ATXN1: variants seen among roughly 807,000 people sequenced by gnomAD.
ATXN1 encodes the protein ataxin-1.
ATXN1 carries 8 observed loss-of-function variants against 56.4 expected under a neutral mutation model. That is an observed-to-expected ratio of 0.14 (90% CI 0.08 to 0.26). The LOEUF is 0.26. ATXN1 is among the 10% of genes least tolerant of loss of function. The pLI is 1.00. For synonymous variants in ATXN1, 514 were observed against 494.6 expected (o/e 1.04, Z -0.52); for missense variants, 987 against 1,106.5 (o/e 0.89, Z 1.53).
rs1252009399 is a variant in ATXN1 at position 16,760,937 on chromosome 6, C to T, written c.-730+361G>A. Among the ~76,000 whole-genome samples the T allele has an allele frequency of 6.7e-6, 1 of 148,696 alleles. No individual in the cohort carries two copies. Among genetic ancestry groups the T allele is most frequent in the Non-Finnish European group, 1.5e-5 (1 of 66,820 alleles). ...GCTCTCCCCGCCCGCGCCCCCCGCC[C>T]GGGCGCGCCCCCTAGCCCGGCGGGC... is the stretch of plus-strand genomic sequence containing the variant. On this transcript the variant is annotated intron_variant, in intron 1 of 7. Transcript: ENST00000436367. This position sits in a 1 kb window ranked among gnomAD's most constrained non-coding sequence, Gnocchi z 5.3.
At position 16,328,146 on chromosome 6, in the gene ATXN1, G is replaced by C; in HGVS notation, c.165C>G (p.His55Gln). ...WLPGNPGGRG[H>Q]GGGRHGPAGT... is the part of the protein sequence containing the mutation. ...CTGCCGGCCCATGCCTCCCGCCCCC[G>C]TGGCCCCGGCCACCAGGGTTGCCCG... The change falls in exon 7 of 8, where the codon CAC (histidine) becomes CAG (glutamine). Residue 55 changes from histidine (H) to glutamine (Q), a missense_variant. Physicochemically the swap from His to Gln is conservative, Grantham distance 24 (BLOSUM62 0). This residue lies in a region of ATXN1 where 723 missense variants were observed against 791.7 expected (regional missense o/e 0.91). Transcript: ENST00000436367. The surrounding 1 kb of genome is among the most constrained non-coding windows in gnomAD (Gnocchi z 6.2). 1 of 1,581,500 alleles carries C rather than the reference G, an allele frequency of 6.3e-7. No homozygotes were observed.
Position 16,584,971 on chromosome 6 carries a change from G to A in ATXN1, c.-361+809C>T, listed in dbSNP as rs1032267028. Among the ~76,000 whole-genome samples, 16 of 152,180 alleles carry A rather than the reference G, an allele frequency of 1.1e-4. No individual in the cohort carries two copies. The South Asian group carries it at 2.1e-3, about 20-fold the overall frequency. ...AAAATGTCTGGGTGTGGTGGATCACGCCTGTAATCCCAACACTTTGGGAGG... is the reference window on the plus strand; with the variant it reads ...AAAATGTCTGGGTGTGGTGGATCACACCTGTAATCCCAACACTTTGGGAGG... On this transcript the variant is annotated intron_variant, in intron 4 of 7. Coordinates refer to ENST00000436367, the MANE Select transcript of ATXN1 (RefSeq NM_001128164.2).
At chr6:16,366,566 A>C (rs1227626650) in intron 6 of ATXN1, among the ~76,000 whole-genome samples, 1 of 152,168 alleles carries the variant, frequency 6.6e-6, no homozygotes. Flanking sequence ...GGATCACTTG[A>C]GGTCAGGTGT....
intron 2 of ATXN1, among the ~76,000 whole-genome samples, chr6:16,707,855 T>TA (rs1271702347): frequency 6.6e-6 from 1 of 151,640 alleles, no homozygotes; most frequent in Non-Finnish European, 1.5e-5. Context: ...AAGAATAAAA[T>TA]AAAATGTGTT....
At chr6:16,502,971 T>C (rs1447339081) in intron 5 of ATXN1, among the ~76,000 whole-genome samples, 2 of 152,200 alleles carry the variant, frequency 1.3e-5, no homozygotes, top group Non-Finnish European at 2.9e-5. Flanking sequence ...GTTTATTGCT[T>C]TGAATGCAGA....
chr6:16,416,426 C>CT (rs1758909641), intron 6 of ATXN1, among the ~76,000 whole-genome samples: 1 of 152,150 alleles, frequency 6.6e-6, no homozygotes, highest in Non-Finnish European at 1.5e-5. Context: ...ACAGACAAAG[C>CT]TTTTGCTATA....
At chr6:16,341,122 G>A (rs970041470) in intron 6 of ATXN1, among the ~76,000 whole-genome samples, 7 of 152,200 alleles carry the variant, frequency 4.6e-5, no homozygotes, top group African/African-American at 1.7e-4. Flanking sequence ...AGACCAAATG[G>A]AGGAGTTGGC....
chr6:16,407,734 G>C (rs1758714303), intron 6 of ATXN1, among the ~76,000 whole-genome samples: 1 of 152,166 alleles, frequency 6.6e-6, no homozygotes, highest in African/African-American at 2.4e-5. Context: ...TGGAGGGTCT[G>C]AGCTGCAGAC....
At chr6:16,524,391 A>C (rs1761350676) in intron 4 of ATXN1, among the ~76,000 whole-genome samples, 1 of 152,206 alleles carries the variant, frequency 6.6e-6, no homozygotes, top group Non-Finnish European at 1.5e-5. Flanking sequence ...CTTCGTTTTA[A>C]AGCAACACTT....
At chr6:16,592,054 G>C (rs1038695343) in intron 3 of ATXN1, among the ~76,000 whole-genome samples, 3 of 152,066 alleles carry the variant, frequency 2.0e-5, no homozygotes, top group African/African-American at 7.2e-5. Flanking sequence ...GTTAGCTATT[G>C]ATTCCATGCA....
intron 4 of ATXN1, among the ~76,000 whole-genome samples, chr6:16,532,694 T>A (rs1445485847): frequency 6.6e-6 from 1 of 152,140 alleles, no homozygotes; most frequent in Admixed American, 6.5e-5. Flanking sequence ...AAGATGGCTC[T>A]GATTAACAAC....
At chr6:16,698,655 A>T (rs74874352) in intron 2 of ATXN1, among the ~76,000 whole-genome samples, 12,679 of 147,638 alleles carry the variant, frequency 0.086, 569 homozygotes, top group East Asian at 0.17. Context: ...AAAATTAAAA[A>T]AAAAAAAAAA....
At chr6:16,455,225 T>C (rs1759840900) in intron 6 of ATXN1, among the ~76,000 whole-genome samples, 1 of 152,184 alleles carries the variant, frequency 6.6e-6, no homozygotes, top group Non-Finnish European at 1.5e-5. Context: ...AACTTCACTA[T>C]TAGAAAACAA....
At chr6:16,601,784 C>T (rs1216192984) in intron 3 of ATXN1, among the ~76,000 whole-genome samples, 13 of 152,212 alleles carry the variant, frequency 8.5e-5, no homozygotes, top group South Asian at 4.1e-4. Flanking sequence ...ACCCAGGAGG[C>T]GGAGCTTGCA....
chr6:16,510,871 C>CT (rs1226094886), intron 5 of ATXN1, among the ~76,000 whole-genome samples: 1 of 152,184 alleles, frequency 6.6e-6, no homozygotes, highest in Non-Finnish European at 1.5e-5. Context: ...AAGATTTTGT[C>CT]TTTTTATAAA....
chr6:16,455,321 G>A (rs1333313754), intron 6 of ATXN1, among the ~76,000 whole-genome samples: 1 of 152,166 alleles, frequency 6.6e-6, no homozygotes, highest in African/African-American at 2.4e-5. Flanking sequence ...CACATAAAAA[G>A]ATGCTCCACA....
intron 2 of ATXN1, among the ~76,000 whole-genome samples, chr6:16,751,661 A>G (rs1454421987): frequency 6.6e-6 from 1 of 152,198 alleles, no homozygotes; most frequent in Non-Finnish European, 1.5e-5. Flanking sequence ...AAATTCAGCA[A>G]AAACAAATAA....
intron 5 of ATXN1, among the ~76,000 whole-genome samples, chr6:16,521,874 T>C (rs1019058333): frequency 6.6e-6 from 1 of 152,210 alleles, no homozygotes; most frequent in Non-Finnish European, 1.5e-5. Context: ...CTGGGTGCAC[T>C]CACTCTGCCA....
intron 5 of ATXN1, among the ~76,000 whole-genome samples, chr6:16,496,478 G>A (rs1374940399): frequency 2.0e-5 from 3 of 152,160 alleles, no homozygotes; most frequent in Admixed American, 2.0e-4. Context: ...TGGAGGGATG[G>A]GGAAACACAG....
Sources: allele counts gnomAD v4.1 joint callset (sites outside exome capture counted in the v4.1 genomes callset), GRCh38; gene constraint gnomAD v4.1.1; regional missense constraint gnomAD v4.1.1; non-coding constraint Gnocchi (gnomAD v3.1); transcripts MANE v1.5; gene names NCBI Gene and HGNC (gene_info 2026-07-23, HGNC 2026-07-21).